The following COPA variants were observed in gnomAD, a reference collection of about 807,000 sequenced individuals.
The protein encoded by COPA is coat protein complex I subunit alpha, also known as coatomer subunit alpha.
COPA carries 10 observed loss-of-function variants against 158.7 expected under a neutral mutation model. The ratio of observed to expected loss-of-function variants is 0.06; its 90% confidence interval spans 0.04 to 0.11. The LOEUF is 0.11. Ranked by LOEUF, COPA falls within the 10% of genes least tolerant of loss-of-function variation. The pLI is 1.00. For missense variants in COPA, 1,065 were observed against 1,536.7 expected (o/e 0.69, Z 5.13); for synonymous variants, 462 against 542.8 (o/e 0.85, Z 2.07).
intron 31 of COPA, 64 bp from the exon 32 acceptor site, chr1:160,290,750 A>T: frequency 6.7e-7 from 1 of 1,495,404 alleles, no homozygotes; most frequent in Non-Finnish European, 9.3e-7. Context: ...AAGGATCCCA[A>T]CACCATGGTT....
In COPA at chr1:160,290,167, T is replaced by C. The variant is rs759764245; in HGVS notation, c.3665A>G (p.Gln1222Arg). 8 of 1,614,150 alleles carry C rather than the reference T, an allele frequency of 5.0e-6. No individual in the cohort carries two copies. The highest frequency in any genetic ancestry group is 6.8e-6 in the Non-Finnish European group (8 of 1,180,026). Residue 1222 changes from glutamine (Q) to arginine (R), a missense_variant, in exon 33 of 33, where the codon CAG becomes CGG. Physicochemically the swap from Gln to Arg is conservative, Grantham distance 43. Transcript: ENST00000241704. ...DVIGLRISPL[Q>R]FR ...CACACAAAGGGGGCCTTAGCGAAAC[T>C]GCAGAGGACTGATCCTTAAACCAAT...
At chr1:160,297,276 T>C in intron 21 of COPA, 67 bp downstream of exon 21, 1 of 1,382,120 alleles carries the variant, frequency 7.2e-7, no homozygotes, top group Non-Finnish European at 1.0e-6. Context: ...ATACACAGAT[T>C]AACTCAACAA....
At chr1:160,316,098 A>G (rs1659125245) in intron 8 of COPA, among the ~76,000 whole-genome samples, 2 of 152,192 alleles carry the variant, frequency 1.3e-5, no homozygotes, top group South Asian at 4.1e-4. Context: ...GGTGGCTCAC[A>G]CCTATAATCC....
intron 3 of COPA, among the ~76,000 whole-genome samples, chr1:160,338,488 T>C (rs1364477293): frequency 6.6e-6 from 1 of 152,224 alleles, no homozygotes; most frequent in Non-Finnish European, 1.5e-5. Context: ...TGGTTCGGTT[T>C]GACACATAGA....
intron 8 of COPA, among the ~76,000 whole-genome samples, chr1:160,314,927 G>A (rs1275521775): frequency 6.6e-6 from 1 of 152,036 alleles, no homozygotes; most frequent in Non-Finnish European, 1.5e-5. Context: ...CTCAAAATAA[G>A]GGTACCACCA....
chr1:160,328,961 C>G (rs1236343468), intron 6 of COPA, among the ~76,000 whole-genome samples: 1 of 152,150 alleles, frequency 6.6e-6, no homozygotes, highest in Non-Finnish European at 1.5e-5. Context: ...AAAATTAGAA[C>G]TAGTCCTCTA....
chr1:160,291,184 A>C, intron 31 of COPA, 151 bp downstream of exon 31: 1 of 889,096 alleles, frequency 1.1e-6, no homozygotes, highest in Non-Finnish European at 1.7e-6. Context: ...GGAAACACCA[A>C]GTCAGGAAGT....
At chr1:160,342,294 G>T (rs1314417257) in intron 1 of COPA, among the ~76,000 whole-genome samples, 1 of 152,066 alleles carries the variant, frequency 6.6e-6, no homozygotes, top group African/African-American at 2.4e-5. Flanking sequence ...ACTTTGTTAC[G>T]CTGCATCTCA....
intron 6 of COPA, among the ~76,000 whole-genome samples, chr1:160,331,818 T>C (rs1647537292): frequency 6.6e-6 from 1 of 152,024 alleles, no homozygotes; most frequent in African/African-American, 2.4e-5. Context: ...TGTGGTCACA[T>C]GCATCTGTAG....
chr1:160,310,016 A>G (rs1658913372), intron 12 of COPA, among the ~76,000 whole-genome samples, 176 bp downstream of exon 12: 1 of 152,184 alleles, frequency 6.6e-6, no homozygotes, highest in African/African-American at 2.4e-5. Context: ...CAAATGCTCA[A>G]TATGTTTACG....
rs1272598882 is a variant in COPA at position 160,291,939 on chromosome 1, G to A, written c.3148-10C>T. 6.2e-7 allele frequency: 1 copy of A among 1,614,152 alleles called. No homozygotes were observed. Among genetic ancestry groups the A allele is most frequent in the Admixed American group, 1.7e-5 (1 of 60,020 alleles). On this transcript the variant is annotated splice_polypyrimidine_tract_variant and intron_variant, in intron 29 of 32. Coordinates refer to ENST00000241704, the MANE Select transcript of COPA (RefSeq NM_004371.4). The stretch of plus-strand genomic sequence containing the variant: ...TGATGAGCTGCTGGGCCTGTAGAGG[G>A]GGCAGAAGGTCAGGATACAGAGACA...
intron 8 of COPA, among the ~76,000 whole-genome samples, chr1:160,321,813 C>G (rs1280510887): frequency 6.6e-6 from 1 of 151,686 alleles, no homozygotes; most frequent in African/African-American, 2.4e-5. Context: ...TTTATATATG[C>G]CAATAGTGAA....
intron 6 of COPA, among the ~76,000 whole-genome samples, chr1:160,332,063 T>C (rs1647552223): frequency 2.0e-5 from 3 of 152,208 alleles, no homozygotes; most frequent in Admixed American, 1.3e-4. Context: ...AATAAAGCGA[T>C]AGGGTCCAAG....
At chr1:160,336,235 C>A (rs982983103) in intron 3 of COPA, among the ~76,000 whole-genome samples, 4 of 151,228 alleles carry the variant, frequency 2.6e-5, no homozygotes, top group Middle Eastern at 3.4e-3. Context: ...TGGGAGGCTG[C>A]GGCAGCAGGA....
At chr1:160,292,721 A>G in intron 27 of COPA, 101 bp from the exon 28 acceptor site, 4 of 902,178 alleles carry the variant, frequency 4.4e-6, no homozygotes, top group Non-Finnish European at 6.7e-6. Context: ...TTTCCTCATC[A>G]GTAAAATACA....
At chr1:160,335,437 C>T (rs1389415930) in intron 3 of COPA, 115 bp from the exon 4 acceptor site, 8 of 726,988 alleles carry the variant, frequency 1.1e-5, no homozygotes, top group Admixed American at 3.8e-5. Flanking sequence ...GATTTATATA[C>T]ATTATTTGTA....
intron 31 of COPA, 49 bp downstream of exon 31, chr1:160,291,286 G>T (rs902444167): frequency 6.2e-7 from 1 of 1,604,298 alleles, no homozygotes; most frequent in South Asian, 1.1e-5. Flanking sequence ...CTCCCTCCAT[G>T]TAAGAGCTGA....
chr1:160,290,631 T>C lies in COPA; in HGVS notation c.3476A>G (p.Asn1159Ser). Residue 1159 changes from asparagine (N) to serine (S), a missense_variant, in exon 32 of 33, where the codon AAT becomes AGT. Coordinates refer to ENST00000241704, the MANE Select transcript of COPA (RefSeq NM_004371.4). ...GTCAAAGGGGTTGTGCATGTCATAA[T>C]TGAGCTGGTAGGCATCTGTGGGATT... ...EKNPTDAYQL[N>S]YDMHNPFDIC... 6.2e-7 allele frequency: 1 copy of C among 1,614,202 alleles called. No individual in the cohort carries two copies. Among genetic ancestry groups the C allele is most frequent in the Non-Finnish European group, 8.5e-7 (1 of 1,180,030 alleles).
chr1:160,307,704 T>A (rs1364945718), intron 13 of COPA, among the ~76,000 whole-genome samples: 1 of 152,192 alleles, frequency 6.6e-6, no homozygotes, highest in East Asian at 1.9e-4. Context: ...AACTAAATCT[T>A]GACAGGAGAG....
Sources: allele counts gnomAD v4.1 joint callset (sites outside exome capture counted in the v4.1 genomes callset), GRCh38; gene constraint gnomAD v4.1.1; transcripts MANE v1.5; gene names NCBI Gene and HGNC (gene_info 2026-07-23, HGNC 2026-07-21).